The following ZDHHC21 variants were observed in gnomAD, a reference collection of about 807,000 sequenced individuals.
ZDHHC21 encodes the protein zDHHC palmitoyltransferase 21, also known as palmitoyltransferase ZDHHC21.
Under a neutral mutation model 34.6 loss-of-function variants are expected in ZDHHC21, and 15 were observed. The ratio of observed to expected loss-of-function variants is 0.43; its 90% CI spans 0.29 to 0.67. The LOEUF is 0.67. Ranked by LOEUF, ZDHHC21 falls within the 30% of genes least tolerant of loss-of-function variation. The pLI, the probability that ZDHHC21 is intolerant of heterozygous loss-of-function variation, is 0.14. For missense variants in ZDHHC21, 344 were observed against 327.7 expected, an observed-to-expected ratio of 1.05 and a Z score of -0.38; for synonymous variants, 142 against 101.8, an observed-to-expected ratio of 1.40 and a Z score of -2.38.
chr9:14,590,342 A>G, the ZDHHC21 span, among the ~76,000 whole-genome samples: 1 of 152,144 alleles, frequency 6.6e-6, no homozygotes, highest in Non-Finnish European at 1.5e-5. Context: ...GGAGTAAGGA[A>G]TTGGACAAAA....
the ZDHHC21 span, among the ~76,000 whole-genome samples, chr9:14,591,888 A>G: frequency 6.6e-6 from 1 of 151,680 alleles, no homozygotes. Flanking sequence ...TCTTATGATT[A>G]CTGCTTGCAT....
rs147979843 is a variant in ZDHHC21 at position 14,630,392 on chromosome 9, C to A, written c.621+9504G>T. On this transcript the variant is annotated intron_variant, in intron 8 of 9. Transcript: ENST00000380916. ...TGTAGCAATTCGGTCACATCTTCCA[C>A]TTCTTATTTCTCTTGTTATTTCTAG... Among the ~76,000 whole-genome samples, 12 of 152,262 alleles carry A rather than the reference C, an allele frequency of 7.9e-5. No homozygotes were observed. The East Asian group carries it at 2.3e-3, about 29-fold the overall frequency.
the ZDHHC21 span, chr9:14,589,449 T>C: frequency 2.6e-5 from 4 of 152,094 alleles, no homozygotes; most frequent in Non-Finnish European, 1.5e-5. Flanking sequence ...AAGAGGGGAA[T>C]CCAAGCAGAG....
intron 2 of ZDHHC21, among the ~76,000 whole-genome samples, chr9:14,686,983 A>AC (rs1174458485): frequency 2.7e-5 from 4 of 150,012 alleles, no homozygotes; most frequent in South Asian, 2.1e-4. Flanking sequence ...AAAAAAACAA[A>AC]AAAAAAAACA....
chr9:14,599,330 G>C, the ZDHHC21 span, among the ~76,000 whole-genome samples: 1 of 152,116 alleles, frequency 6.6e-6, no homozygotes, highest in South Asian at 2.1e-4. Context: ...TGCCTCACTT[G>C]GGAAGCACAA....
At chr9:14,599,335 G>A in the ZDHHC21 span, among the ~76,000 whole-genome samples, 2 of 152,170 alleles carry the variant, frequency 1.3e-5, no homozygotes, top group Non-Finnish European at 2.9e-5. Flanking sequence ...CACTTGGGAA[G>A]CACAAGGGGT....
intron 5 of ZDHHC21, among the ~76,000 whole-genome samples, chr9:14,664,965 T>C (rs942739016): frequency 1.4e-4 from 21 of 149,034 alleles, no homozygotes; most frequent in African/African-American, 5.2e-4. Context: ...AGGAACGCAG[T>C]TCCTCACCAG....
At position 14,641,542 on chromosome 9, in the gene ZDHHC21, T is replaced by G. The variant is rs539659610; in HGVS notation, c.505-1530A>C. 1.8e-4 allele frequency among the ~76,000 whole-genome samples: 28 copies of G among 152,262 alleles called. 1 individual carries two copies. The highest frequency in any genetic ancestry group is 1.0e-3 in the South Asian group (5 of 4,824). The stretch of plus-strand genomic sequence containing the variant: ...AATCCTAGATGAACACAAAAAATTG[T>G]ACCCAGATGAACCAAAATATGTAGG... On this transcript the variant is annotated intron_variant, in intron 7 of 9. Coordinates refer to ENST00000380916, the MANE Select transcript of ZDHHC21 (RefSeq NM_178566.6).
chr9:14,662,006 A>T (rs1345326895), intron 6 of ZDHHC21, among the ~76,000 whole-genome samples: 1 of 143,394 alleles, frequency 7.0e-6, no homozygotes, highest in Admixed American at 6.8e-5. Flanking sequence ...TTTTTGGCTC[A>T]AATCTCTCCC....
chr9:14,618,482 GA>G lies in ZDHHC21; in HGVS notation c.*483del, dbSNP rs976497940. ...AAAAACGTTGCAGCACATTTAAAAGGAAAGGTTATTTTAAATTGGATTTGAA... is the reference window on the plus strand; with the variant it reads ...AAAAACGTTGCAGCACATTTAAAAGGAAGGTTATTTTAAATTGGATTTGAA... On this transcript the variant is annotated 3_prime_UTR_variant, in exon 10 of 10. Transcript: ENST00000380916. The G allele has an allele frequency of 2.6e-5, 4 of 152,450 alleles. No homozygotes were observed. Among genetic ancestry groups the G allele is most frequent in the African/African-American group, 9.7e-5 (4 of 41,398 alleles). 9.4% of individuals were successfully genotyped at this position (152,450 alleles called of 1,614,324 possible). A position where few individuals can be genotyped will look rare whatever the true frequency, so the allele number is the denominator to read the frequency against.
At chr9:14,664,151 C>T (rs1325661853) in intron 5 of ZDHHC21, among the ~76,000 whole-genome samples, 5 of 152,184 alleles carry the variant, frequency 3.3e-5, no homozygotes, top group East Asian at 1.9e-4. Flanking sequence ...AGCGGGTGCG[C>T]GCACCGTGCG....
chr9:14,633,297 A>G (rs1586968444), intron 8 of ZDHHC21, among the ~76,000 whole-genome samples: 1 of 152,174 alleles, frequency 6.6e-6, no homozygotes, highest in African/African-American at 2.4e-5. Flanking sequence ...TGGTTAGTCA[A>G]AATTGGCTGG....
Position 14,658,827 on chromosome 9 carries a change from A to G in ZDHHC21, c.426T>C (p.Thr142=). ...TCAGTGCGTAGCAAGTAAGAAGTTC[A>G]GTGTAGAAACACAACTGCAGAAAGA... is the stretch of plus-strand genomic sequence containing the variant. ...HWLFLQLCFY[T]ELLTCYALMF... Residue 142 remains threonine (T), a synonymous_variant, in exon 7 of 10, where the codon ACT becomes ACC. Coordinates refer to ENST00000380916, the MANE Select transcript of ZDHHC21 (RefSeq NM_178566.6). 1 of 1,613,898 alleles carries G rather than the reference A, an allele frequency of 6.2e-7. No individual in the cohort carries two copies. The highest frequency in any genetic ancestry group is 8.5e-7 in the Non-Finnish European group (1 of 1,179,838).
intron 7 of ZDHHC21, among the ~76,000 whole-genome samples, chr9:14,647,848 C>G (rs2133801553): frequency 6.6e-6 from 1 of 152,218 alleles, no homozygotes; most frequent in South Asian, 2.1e-4. Context: ...TCTAGGAAAT[C>G]TCCAGTCAGT....
Position 14,617,621 on chromosome 9 carries a change from T to C in ZDHHC21, c.*1345A>G, listed in dbSNP as rs949068895. The stretch of plus-strand genomic sequence containing the variant: ...TAAATTTTTTAAAAAGATATATGGG[T>C]TTTGCAGTATTCTAATGGAAAAAAA... On this transcript the variant is annotated 3_prime_UTR_variant, in exon 10 of 10. Coordinates refer to ENST00000380916, the MANE Select transcript of ZDHHC21 (RefSeq NM_178566.6). 1 of 151,966 alleles carries C rather than the reference T, an allele frequency of 6.6e-6. No individual in the cohort carries two copies. Among genetic ancestry groups the C allele is most frequent in the African/African-American group, 2.4e-5 (1 of 41,416 alleles). 9.4% of individuals were successfully genotyped at this position (151,966 alleles called of 1,614,324 possible).
At chr9:14,606,658 G>C (rs1588623026), downstream of ZDHHC21, among the ~76,000 whole-genome samples, 1 of 152,112 alleles carries the variant, frequency 6.6e-6, no homozygotes. Context: ...CTAAGTTTGG[G>C]ATTGTTATAT....
In ZDHHC21 at chr9:14,614,635, A is replaced by G. The variant is rs986854140; in HGVS notation, c.*4331T>C. ...ACAATGAAATCTGTGATTTATAATAAATTCAGAGGATGATTTCTAGAATAA... is the reference window on the plus strand; with the variant it reads ...ACAATGAAATCTGTGATTTATAATAGATTCAGAGGATGATTTCTAGAATAA... On this transcript the variant is annotated 3_prime_UTR_variant, in exon 10 of 10. Transcript: ENST00000380916. The G allele has an allele frequency of 6.6e-6, 1 of 151,768 alleles. No homozygotes were observed. Among genetic ancestry groups the G allele is most frequent in the Non-Finnish European group, 1.5e-5 (1 of 67,758 alleles). 9.4% of individuals were successfully genotyped at this position (151,768 alleles called of 1,614,324 possible). A position where few individuals can be genotyped will look rare whatever the true frequency, so the allele number is the denominator to read the frequency against.
At chr9:14,673,040 A>C in intron 4 of ZDHHC21, 112 bp from the exon 5 acceptor site, 1 of 600,950 alleles carries the variant, frequency 1.7e-6, no homozygotes, top group Non-Finnish European at 2.6e-6. Context: ...CAGGAGAAAA[A>C]ATTTCAAAAG....
At position 14,660,812 on chromosome 9, in the gene ZDHHC21, C is replaced by T. The variant is rs577020384; in HGVS notation, c.365+1403G>A. On this transcript the variant is annotated intron_variant, in intron 6 of 9. Coordinates refer to ENST00000380916, the MANE Select transcript of ZDHHC21 (RefSeq NM_178566.6). ...CCTAGTTCTTTCTTACTACTGCATT[C>T]GTTTGAAAAAAAAAGCATCAATATC... Among the ~76,000 whole-genome samples the T allele has an allele frequency of 4.6e-5, 7 of 151,524 alleles. No homozygotes were observed. The East Asian group carries it at 5.8e-4, about 13-fold the overall frequency.
Sources: allele counts gnomAD v4.1 joint callset (sites outside exome capture counted in the v4.1 genomes callset), GRCh38; gene constraint gnomAD v4.1.1; transcripts MANE v1.5; gene names NCBI Gene and HGNC (gene_info 2026-07-23, HGNC 2026-07-21).